HACD2: variants seen among roughly 807,000 people sequenced by gnomAD.
HACD2 encodes the protein very-long-chain (3R)-3-hydroxyacyl-CoA dehydratase 2.
HACD2 carries 15 observed loss-of-function variants against 31.0 expected under a neutral mutation model. That is an observed-to-expected ratio of 0.48 (90% confidence interval 0.32 to 0.75). HACD2 has a LOEUF of 0.75. Ranked by LOEUF, HACD2 falls within the 30% of genes least tolerant of loss-of-function variation. The pLI is 0.03. For synonymous variants in HACD2, 115 were observed against 122.2 expected, an observed-to-expected ratio of 0.94 and a Z score of 0.39; for missense variants, 283 against 313.0, an observed-to-expected ratio of 0.90 and a Z score of 0.72.
At position 123,549,982 on chromosome 3, in the gene HACD2, G is replaced by A. The variant is rs562004964; in HGVS notation, c.292+17780C>T. Among the ~76,000 whole-genome samples, 8 of 152,234 alleles carry A rather than the reference G, an allele frequency of 5.3e-5. No homozygotes were observed. In the South Asian group the frequency reaches 1.2e-3, roughly 24 times the overall value. ...TACTGGCCTACCTCTTGGTGTAGAA[G>A]GGAAAGAGAAACAGTAAGTTGGATT... On this transcript the variant is annotated intron_variant, in intron 3 of 6. Transcript: ENST00000383657.
chr3:123,524,604 C>T (rs560877274), intron 4 of HACD2, among the ~76,000 whole-genome samples: 44 of 152,302 alleles, frequency 2.9e-4, no homozygotes, highest in African/African-American at 1.0e-3. Flanking sequence ...CAGGCATTTC[C>T]ACTCCATAGG....
chr3:123,568,083 CTTG>C (rs530979475), intron 2 of HACD2, among the ~76,000 whole-genome samples: 70 of 152,318 alleles, frequency 4.6e-4, no homozygotes, highest in African/African-American at 1.5e-3. Context: ...AATGCACAAA[CTTG>C]TAAGAGCAAT....
chr3:123,574,743 C>G (rs1325615661), intron 2 of HACD2, among the ~76,000 whole-genome samples: 1 of 151,902 alleles, frequency 6.6e-6, no homozygotes, highest in Non-Finnish European at 1.5e-5. Context: ...TTTTACTCCC[C>G]CCTTGCCCCA....
intron 4 of HACD2, among the ~76,000 whole-genome samples, chr3:123,519,611 G>A (rs540782110): frequency 6.6e-6 from 1 of 152,248 alleles, no homozygotes; most frequent in South Asian, 2.1e-4. Context: ...ATAGGTACTG[G>A]TATTCTTGTC....
At chr3:123,540,405 CT>C (rs2056475826) in intron 3 of HACD2, among the ~76,000 whole-genome samples, 1 of 152,162 alleles carries the variant, frequency 6.6e-6, no homozygotes, top group Non-Finnish European at 1.5e-5. Context: ...TGCTTGTTTA[CT>C]TTTGAGGTCT....
chr3:123,580,286 G>C (rs1278321420), intron 2 of HACD2, among the ~76,000 whole-genome samples: 1 of 152,180 alleles, frequency 6.6e-6, no homozygotes, highest in Non-Finnish European at 1.5e-5. Context: ...ATCCAGCCTG[G>C]GAAACACAGC....
intron 2 of HACD2, among the ~76,000 whole-genome samples, chr3:123,579,066 C>T (rs1017459796): frequency 6.6e-6 from 1 of 152,152 alleles, no homozygotes; most frequent in African/African-American, 2.4e-5. Context: ...TTCCCAAAAT[C>T]AAATCCAGGA....
At chr3:123,559,379 G>C (rs1441016428) in intron 3 of HACD2, among the ~76,000 whole-genome samples, 1 of 152,204 alleles carries the variant, frequency 6.6e-6, no homozygotes, top group Non-Finnish European at 1.5e-5. Context: ...TACTTGAAAT[G>C]AATTTCCAAA....
At chr3:123,561,684 C>T (rs959541004) in intron 3 of HACD2, among the ~76,000 whole-genome samples, 5 of 151,580 alleles carry the variant, frequency 3.3e-5, no homozygotes, top group African/African-American at 1.2e-4. Flanking sequence ...ATCTTGAAGA[C>T]GACACAGAAA....
chr3:123,574,251 T>C (rs2056885334), intron 2 of HACD2, among the ~76,000 whole-genome samples: 1 of 152,268 alleles, frequency 6.6e-6, no homozygotes, highest in African/African-American at 2.4e-5. Context: ...CTTCAGCTTC[T>C]GCTCCGAAAT....
chr3:123,508,227 A>G (rs1032864445), intron 4 of HACD2, among the ~76,000 whole-genome samples: 1 of 152,220 alleles, frequency 6.6e-6, no homozygotes, highest in African/African-American at 2.4e-5. Flanking sequence ...AGCGGGTACC[A>G]TGAAGCCCTT....
At chr3:123,544,792 C>T (rs1429531096) in intron 3 of HACD2, among the ~76,000 whole-genome samples, 1 of 151,956 alleles carries the variant, frequency 6.6e-6, no homozygotes, top group Non-Finnish European at 1.5e-5. Context: ...TTCTAAATTT[C>T]AAATGCCATT....
rs2056468937 is a variant in HACD2 at position 123,539,940 on chromosome 3, A to AAAG, written c.293-11467_293-11466insCTT. 1.3e-5 allele frequency among the ~76,000 whole-genome samples: 2 copies of AAAG among 148,494 alleles called. 1 individual carries two copies. Among genetic ancestry groups the AAAG allele is most frequent in the Non-Finnish European group, 3.0e-5 (2 of 67,160 alleles). ...AAAAAAAAAAAAAAAAAAAAAAAAA[A>AAAG]GACAGGCATAATGGTGTCTACCTGT... On this transcript the variant is annotated intron_variant, in intron 3 of 6. Coordinates refer to ENST00000383657, the MANE Select transcript of HACD2 (RefSeq NM_198402.5).
At chr3:123,559,653 T>C (rs1232841236) in intron 3 of HACD2, among the ~76,000 whole-genome samples, 1 of 152,204 alleles carries the variant, frequency 6.6e-6, no homozygotes, top group Non-Finnish European at 1.5e-5. Flanking sequence ...TGGGTTGATT[T>C]CTGACGGACT....
Position 123,494,845 on chromosome 3 carries a change from T to C in HACD2, c.*43A>G, listed in dbSNP as rs781186233. 1 of 1,264,452 alleles carries C rather than the reference T, an allele frequency of 7.9e-7. No homozygotes were observed. The highest frequency in any genetic ancestry group is 1.1e-6 in the Non-Finnish European group (1 of 891,038). The allele number at this position is 1,264,452 out of a possible 1,614,324, so 78.3% of individuals were successfully genotyped here. ...TCAAAAAATCTGCAGCATTTTTTGA[T>C]CATTGAAAAGTTTGTTTTGGTGGGA... On this transcript the variant is annotated 3_prime_UTR_variant, in exon 7 of 7. Coordinates refer to ENST00000383657, the MANE Select transcript of HACD2 (RefSeq NM_198402.5).
At chr3:123,495,023 CT>C in intron 6 of HACD2, 53 bp from the exon 7 acceptor site, 1 of 1,072,224 alleles carries the variant, frequency 9.3e-7, no homozygotes, top group Non-Finnish European at 1.4e-6. Flanking sequence ...TGCATATGCT[CT>C]ATTTAAAGCA....
In HACD2 at chr3:123,560,164, C is replaced by T. The variant is rs572726344; in HGVS notation, c.292+7598G>A. ...ACAAGATGCAGGTGCATTTTCTTCT[C>T]TCCTTGTCTGGAGGGGAGCAGGGAA... On this transcript the variant is annotated intron_variant, in intron 3 of 6. Transcript: ENST00000383657. Among the ~76,000 whole-genome samples, 3 of 152,312 alleles carry T rather than the reference C, an allele frequency of 2.0e-5. No individual in the cohort carries two copies. The South Asian group carries it at 6.2e-4, about 32-fold the overall frequency.
intron 1 of HACD2, among the ~76,000 whole-genome samples, 163 bp from the exon 2 acceptor site, chr3:123,582,492 C>G (rs554594154): frequency 6.6e-6 from 1 of 152,238 alleles, no homozygotes; most frequent in African/African-American, 2.4e-5. Context: ...CTGTAATGCA[C>G]TGAAATGTTG....
intron 4 of HACD2, among the ~76,000 whole-genome samples, chr3:123,509,960 T>C (rs2107688547): frequency 1.3e-5 from 2 of 152,310 alleles, no homozygotes; most frequent in African/African-American, 4.8e-5. Context: ...CTTACCATCA[T>C]TTTAATATCT....
Sources: gnomAD v4.1 joint callset for allele counts (sites outside exome capture counted in the v4.1 genomes callset) on GRCh38, gnomAD v4.1.1 for gene constraint, MANE v1.5 for transcripts, NCBI Gene and HGNC (gene_info 2026-07-23, HGNC 2026-07-21) for gene names.